Variants in FBXL18 observed in about 807,000 individuals in gnomAD.
FBXL18 encodes F-box/LRR-repeat protein 18.
FBXL18 carries 36 observed loss-of-function variants against 46.0 expected under a neutral mutation model. The observed-to-expected ratio is 0.78, with a 90% CI of 0.60 to 1.03. The LOEUF (loss-of-function observed/expected upper bound fraction) is 1.03. Among genes scored for constraint, FBXL18 ranks in the 50% least tolerant of loss-of-function variants. The pLI, the probability that FBXL18 is intolerant of heterozygous loss-of-function variation, is 0.00. For missense variants in FBXL18, 977 were observed against 1,004.1 expected, an observed-to-expected ratio of 0.97 and a Z score of 0.36; for synonymous variants, 557 against 465.3, an observed-to-expected ratio of 1.20 and a Z score of -2.54.
chr7:5,502,772 G>A (rs1272186659), intron 2 of FBXL18, among the ~76,000 whole-genome samples: 3 of 150,516 alleles, frequency 2.0e-5, no homozygotes, highest in Non-Finnish European at 2.9e-5. Context: ...AGGTTGCAGT[G>A]AGCCAAGATG....
intron 4 of FBXL18, among the ~76,000 whole-genome samples, chr7:5,468,335 C>T (rs530251567): frequency 1.3e-4 from 20 of 150,448 alleles, no homozygotes; most frequent in East Asian, 7.8e-4. Flanking sequence ...GCCAGGATGG[C>T]CTCGATCTCC....
rs370492954 is a variant in FBXL18, at chr7:5,470,057, C to T, written c.2000+21174G>A. Among the ~76,000 whole-genome samples the T allele has an allele frequency of 7.9e-5, 12 of 152,116 alleles. No homozygotes were observed. In the East Asian group the frequency reaches 9.6e-4, roughly 12 times the overall value. ...GCCGTTGGACGAGTGAGTGCACATGCGTGTGCGTGTGCCAGTCTGCGGGCG... is the reference window on the plus strand; with the variant it reads ...GCCGTTGGACGAGTGAGTGCACATGTGTGTGCGTGTGCCAGTCTGCGGGCG... On this transcript the variant is annotated intron_variant and NMD_transcript_variant, in intron 4 of 6. Transcript: ENST00000415009.
At chr7:5,506,024 C>T (rs1338181149) in intron 1 of FBXL18, among the ~76,000 whole-genome samples, 1 of 151,940 alleles carries the variant, frequency 6.6e-6, no homozygotes, top group Non-Finnish European at 1.5e-5. Flanking sequence ...GCCACTTTGT[C>T]CAGCTAATTT....
At chr7:5,509,301 AG>A (rs1784470279) in intron 1 of FBXL18, among the ~76,000 whole-genome samples, 1 of 151,660 alleles carries the variant, frequency 6.6e-6, no homozygotes, top group East Asian at 1.9e-4. Context: ...TTAAAAAGAG[AG>A]GGAGAGACAG....
intron 4 of FBXL18, among the ~76,000 whole-genome samples, chr7:5,457,869 C>T (rs1038111306): frequency 3.9e-5 from 6 of 152,198 alleles, no homozygotes; most frequent in African/African-American, 1.4e-4. Flanking sequence ...GGGCCCACAG[C>T]CTGCCTCGCC....
At chr7:5,493,471 A>G (rs1024196227) in intron 3 of FBXL18, among the ~76,000 whole-genome samples, 9 of 150,978 alleles carry the variant, frequency 6.0e-5, no homozygotes, top group Admixed American at 2.6e-4. Context: ...AATTTTTTGT[A>G]TTTTTAGTAG....
At chr7:5,486,250 TC>T (rs1783773180) in intron 4 of FBXL18, among the ~76,000 whole-genome samples, 1 of 18,610 alleles carries the variant, frequency 5.4e-5, no homozygotes, top group African/African-American at 4.1e-4. Flanking sequence ...AAACTCCATC[TC>T]AAAAAAAAAA....
intron 4 of FBXL18, among the ~76,000 whole-genome samples, chr7:5,486,966 G>A (rs1783792489): frequency 6.6e-6 from 1 of 152,282 alleles, no homozygotes; most frequent in Non-Finnish European, 1.5e-5. Flanking sequence ...AAAGCGTCAG[G>A]AAAAGCGAGA....
At chr7:5,509,701 CAA>C (rs761762119) in intron 1 of FBXL18, among the ~76,000 whole-genome samples, 754 of 65,464 alleles carry the variant, frequency 0.012, 8 homozygotes, top group African/African-American at 0.037. Flanking sequence ...GATTCCATCT[CAA>C]AAAAAAAAAA....
At chr7:5,486,935 G>A (rs534315987) in intron 4 of FBXL18, among the ~76,000 whole-genome samples, 9 of 152,352 alleles carry the variant, frequency 5.9e-5, no homozygotes, top group African/African-American at 2.2e-4. Context: ...CCTCCAGGCA[G>A]GAAAAAAGAC....
In FBXL18 at chr7:5,491,416, C is replaced by A; in HGVS notation, c.1815G>T (p.Gln605His). 1 of 1,600,890 alleles carries A rather than the reference C, an allele frequency of 6.2e-7. No individual in the cohort carries two copies. The highest frequency in any genetic ancestry group is 8.5e-7 in the Non-Finnish European group (1 of 1,175,238). ...GGCACTGGCTCAGCGCCTGGAAGAA[C>A]TGGGCGTTGGCGCTGAAGTAGGGCT... ...LEQPYFSANA[Q>H]FFQALSQCPS... is the part of the protein sequence containing the mutation. The change falls in exon 4 of 5, where the codon CAG becomes CAT. Residue 605 changes from glutamine (Q) to histidine (H), a missense_variant. Coordinates refer to ENST00000382368, the MANE Select transcript of FBXL18 (RefSeq NM_024963.6).
intron 4 of FBXL18, among the ~76,000 whole-genome samples, chr7:5,484,877 G>A (rs1783735269): frequency 6.6e-6 from 1 of 151,960 alleles, no homozygotes; most frequent in Non-Finnish European, 1.5e-5. Flanking sequence ...GACCTCAAGT[G>A]ATCCACCCGC....
At chr7:5,472,165 C>T (rs1365683647), downstream of FBXL18, among the ~76,000 whole-genome samples, 5 of 152,118 alleles carry the variant, frequency 3.3e-5, no homozygotes, top group South Asian at 2.1e-4. Flanking sequence ...GGGCTGAAGC[C>T]GCTGCCCCCA....
Position 5,501,177 on chromosome 7 carries a change from G to A in FBXL18, c.1092C>T (p.Arg364=), listed in dbSNP as rs750275264. The A allele has an allele frequency of 7.7e-5, 125 of 1,613,236 alleles. No homozygotes were observed. Among genetic ancestry groups the A allele is most frequent in the Non-Finnish European group, 1.0e-4 (119 of 1,179,782 alleles). The change falls in exon 3 of 5, where the codon CGC becomes CGT. Residue 364 remains arginine, a synonymous_variant. Transcript: ENST00000382368. ...VHCLSPDSLL[R]KAEDDIDSSI... The stretch of plus-strand genomic sequence containing the variant: ...TGCTGTCGATGTCGTCCTCCGCCTT[G>A]CGGAGCAGCGAGTCTGGGGACAGGC...
At chr7:5,489,053 C>T (rs986107081) in intron 4 of FBXL18, 1 of 304,340 alleles carries the variant, frequency 3.3e-6, no homozygotes, top group Non-Finnish European at 6.4e-6. Context: ...AGGCTGCCCC[C>T]CTGGTTCCAC....
rs756268137 is a variant in FBXL18, at chr7:5,500,677, G to A, written c.1592C>T (p.Ala531Val). 1 of 1,610,884 alleles carries A rather than the reference G, an allele frequency of 6.2e-7. No individual in the cohort carries two copies. Among genetic ancestry groups the A allele is most frequent in the South Asian group, 1.1e-5 (1 of 90,896 alleles). Reference sequence around the variant, plus strand: ...TGCGAGCGTCAGGTGCCGCAGGAAGGCCAGCTGGCCGATGGCGGCCACCTC... The same window carrying A: ...TGCGAGCGTCAGGTGCCGCAGGAAGACCAGCTGGCCGATGGCGGCCACCTC... The part of the protein sequence containing the change: ...DSEVAAIGQL[A>V]FLRHLTLAQL... Residue 531 changes from alanine (A) to valine (V), a missense_variant, in exon 3 of 5, where the codon GCC becomes GTC. Physicochemically the swap from Ala to Val is moderately conservative, Grantham distance 64. Transcript: ENST00000382368.
At chr7:5,486,614 T>C (rs879794421) in intron 4 of FBXL18, among the ~76,000 whole-genome samples, 5 of 150,004 alleles carry the variant, frequency 3.3e-5, no homozygotes, top group Non-Finnish European at 5.9e-5. Context: ...GATTGCACCA[T>C]TGCACTCCAG....
intron 3 of FBXL18, among the ~76,000 whole-genome samples, chr7:5,494,829 C>T (rs561279817): frequency 2.6e-4 from 40 of 152,320 alleles, no homozygotes; most frequent in Admixed American, 1.7e-3. Context: ...CGCCCCAGAT[C>T]GCCCCGAGCC....
chr7:5,465,850 G>C (rs1210982022), intron 4 of FBXL18, among the ~76,000 whole-genome samples: 1 of 148,200 alleles, frequency 6.7e-6, no homozygotes, highest in South Asian at 2.1e-4. Context: ...TGGAGTCTTA[G>C]TCTGTCGCCC....
Sources: allele counts gnomAD v4.1 joint callset (sites outside exome capture counted in the v4.1 genomes callset), GRCh38; gene constraint gnomAD v4.1.1; transcripts MANE v1.5; gene names NCBI Gene and HGNC (gene_info 2026-07-23, HGNC 2026-07-21).